GRID2: variants seen among roughly 807,000 people sequenced by gnomAD.
GRID2 encodes the protein glutamate receptor ionotropic, delta-2.
In GRID2, 33 loss-of-function variants were observed where a neutral mutation model predicts 114.8. The observed-to-expected ratio is 0.29, with a 90% CI of 0.22 to 0.38. The LOEUF (loss-of-function observed/expected upper bound fraction) is 0.38. GRID2 is among the 10% of genes least tolerant of loss of function. The pLI is 1.00. For missense variants in GRID2, 1,184 were observed against 1,257.7 expected, an observed-to-expected ratio of 0.94 and a Z score of 0.89; for synonymous variants, 505 against 449.9, an observed-to-expected ratio of 1.12 and a Z score of -1.55.
chr4:93,073,831 A>G (rs1477201304), intron 2 of GRID2, among the ~76,000 whole-genome samples: 1 of 152,158 alleles, frequency 6.6e-6, no homozygotes, highest in African/African-American at 2.4e-5. Context: ...TCACAAATGA[A>G]AGGTGGTGTT....
intron 2 of GRID2, among the ~76,000 whole-genome samples, chr4:92,713,095 A>G (rs1735336635): frequency 6.6e-6 from 1 of 151,540 alleles, no homozygotes; most frequent in Non-Finnish European, 1.5e-5. Context: ...TGCTGCACCC[A>G]CTAACTCATC....
chr4:92,825,198 A>G lies in GRID2; in HGVS notation c.244+234912A>G, dbSNP rs151102218. On this transcript the variant is annotated intron_variant, in intron 2 of 15. Coordinates refer to ENST00000282020, the MANE Select transcript of GRID2 (RefSeq NM_001510.4). ...AAAACCAGTAGTAAACCAGGGTACA[A>G]CTAGCCTAAAGAGAACCTTTGCGCA... Among the ~76,000 whole-genome samples, 1,338 of 152,232 alleles carry G rather than the reference A, an allele frequency of 8.8e-3. 8 individuals carry two copies. Among genetic ancestry groups the G allele is most frequent in the Middle Eastern group, 0.034 (10 of 294 alleles).
intron 1 of GRID2, among the ~76,000 whole-genome samples, chr4:92,515,803 G>C (rs1468055256): frequency 1.3e-5 from 2 of 151,838 alleles, no homozygotes; most frequent in Non-Finnish European, 2.9e-5. Flanking sequence ...AAAGAATATT[G>C]TTCTTTTGTT....
chr4:93,474,102 A>G (rs945059857), intron 11 of GRID2, among the ~76,000 whole-genome samples: 5 of 152,120 alleles, frequency 3.3e-5, no homozygotes, highest in Non-Finnish European at 5.9e-5. Context: ...AAATATAAAA[A>G]CAATTTATAA....
At chr4:93,765,430 CA>C (rs1733568342) in intron 14 of GRID2, among the ~76,000 whole-genome samples, 1 of 151,958 alleles carries the variant, frequency 6.6e-6, no homozygotes, top group African/African-American at 2.4e-5. Context: ...ATAAAATAAA[CA>C]ATACAAAGAG....
chr4:92,641,924 G>A (rs1731375120), intron 2 of GRID2, among the ~76,000 whole-genome samples: 1 of 150,052 alleles, frequency 6.7e-6, no homozygotes, highest in South Asian at 2.1e-4. Context: ...TTGGAATGAT[G>A]AACCCTAGCT....
At chr4:93,196,359 A>T (rs992469188) in intron 4 of GRID2, among the ~76,000 whole-genome samples, 3 of 152,186 alleles carry the variant, frequency 2.0e-5, no homozygotes, top group Non-Finnish European at 4.4e-5. Flanking sequence ...ACGGACATGG[A>T]AATTCACCTT....
In GRID2 at chr4:92,703,089, A is replaced by T. The variant is rs368512861; in HGVS notation, c.244+112803A>T. On this transcript the variant is annotated intron_variant, in intron 2 of 15. Transcript: ENST00000282020. ...AAAATTACCATATATGAATAGAATT[A>T]AGCTTAGCAAGGAAGACTGCCTTGT... Among the ~76,000 whole-genome samples the T allele has an allele frequency of 2.4e-4, 37 of 152,338 alleles. No homozygotes were observed. The East Asian group carries it at 2.5e-3, about 10-fold the overall frequency.
chr4:93,153,758 A>G (rs147163046), intron 4 of GRID2, among the ~76,000 whole-genome samples: 80 of 152,234 alleles, frequency 5.3e-4, no homozygotes, highest in African/African-American at 1.9e-3. Context: ...GTTCTTATGT[A>G]TAACTGATTT....
At position 93,128,857 on chromosome 4, in the gene GRID2, G is replaced by C. The variant is rs113898409; in HGVS notation, c.735+17904G>C. On this transcript the variant is annotated intron_variant, in intron 4 of 15. Coordinates refer to ENST00000282020, the MANE Select transcript of GRID2 (RefSeq NM_001510.4). ...CAGAAATGAAATAAGAATTTCAAAAGAGACTCCGAATTTGATGAGTAGAAC... is the reference window on the plus strand; with the variant it reads ...CAGAAATGAAATAAGAATTTCAAAACAGACTCCGAATTTGATGAGTAGAAC... Among the ~76,000 whole-genome samples, 258 of 152,256 alleles carry C rather than the reference G, an allele frequency of 1.7e-3. 2 individuals carry two copies. The highest frequency in any genetic ancestry group is 5.9e-3 in the African/African-American group (246 of 41,566).
chr4:92,952,399 C>T (rs746641161), intron 2 of GRID2, among the ~76,000 whole-genome samples: 1 of 152,112 alleles, frequency 6.6e-6, no homozygotes, highest in African/African-American at 2.4e-5. Flanking sequence ...TTGCTTTATT[C>T]TGCTTTCTTA....
intron 1 of GRID2, among the ~76,000 whole-genome samples, chr4:92,500,210 TA>T (rs1723607594): frequency 6.6e-6 from 1 of 152,090 alleles, no homozygotes; most frequent in Non-Finnish European, 1.5e-5. Flanking sequence ...GACCCCTACC[TA>T]GCTGTAGTTG....
intron 2 of GRID2, among the ~76,000 whole-genome samples, chr4:92,900,140 T>G (rs1046333154): frequency 6.6e-6 from 1 of 152,206 alleles, no homozygotes; most frequent in Non-Finnish European, 1.5e-5. Context: ...TTAATTCTTA[T>G]TTAGGTGTGA....
At chr4:92,387,204 A>T (rs1395635255) in intron 1 of GRID2, among the ~76,000 whole-genome samples, 3 of 151,950 alleles carry the variant, frequency 2.0e-5, no homozygotes, top group African/African-American at 7.2e-5. Flanking sequence ...AGAACATCTT[A>T]ACTCTAGAAA....
intron 10 of GRID2, among the ~76,000 whole-genome samples, chr4:93,442,042 C>G (rs1721670969): frequency 1.3e-5 from 2 of 152,100 alleles, no homozygotes; most frequent in South Asian, 4.1e-4. Context: ...TGATTTACTT[C>G]TCATAGAGAC....
intron 13 of GRID2, among the ~76,000 whole-genome samples, chr4:93,618,588 C>A (rs1381913159): frequency 6.6e-6 from 1 of 152,202 alleles, no homozygotes; most frequent in African/African-American, 2.4e-5. Flanking sequence ...TCTGTCCATC[C>A]ATTCAACTCT....
rs1763693764 is a variant in GRID2 at position 93,379,856 on chromosome 4, T to C, written c.1246-15751T>C. On this transcript the variant is annotated intron_variant, in intron 8 of 15. Coordinates refer to ENST00000282020, the MANE Select transcript of GRID2 (RefSeq NM_001510.4). ...TCTCTATTCTAATTTGAATACATTC[T>C]AGTCAATTGAGATACACAAAGCATC... 2.0e-5 allele frequency among the ~76,000 whole-genome samples: 3 copies of C among 152,192 alleles called. No individual in the cohort carries two copies. In the South Asian group the frequency reaches 6.2e-4, roughly 32 times the overall value.
chr4:93,119,430 T>C (rs1223466120), intron 4 of GRID2, among the ~76,000 whole-genome samples: 1 of 152,210 alleles, frequency 6.6e-6, no homozygotes, highest in African/African-American at 2.4e-5. Context: ...CTATATAAAT[T>C]AGACATTTTG....
chr4:92,482,033 T>TATATAA (rs1491363224), intron 1 of GRID2, among the ~76,000 whole-genome samples: 5 of 55,960 alleles, frequency 8.9e-5, no homozygotes, highest in South Asian at 5.7e-4. Flanking sequence ...TATATATATA[T>TATATAA]AAAATAACAA....
Sources: allele counts gnomAD v4.1 joint callset (sites outside exome capture counted in the v4.1 genomes callset), GRCh38; gene constraint gnomAD v4.1.1; transcripts MANE v1.5; gene names NCBI Gene and HGNC (gene_info 2026-07-23, HGNC 2026-07-21).